Variants in PIP4K2B observed in about 807,000 individuals in gnomAD.
PIP4K2B encodes phosphatidylinositol-5-phosphate 4-kinase type 2 beta, also known as phosphatidylinositol 5-phosphate 4-kinase type-2 beta.
A neutral mutation model predicts 42.0 loss-of-function variants in PIP4K2B; 3 were observed. The observed-to-expected ratio is 0.07, with a 90% CI of 0.03 to 0.18. The LOEUF is 0.18. PIP4K2B is among the 10% of genes least tolerant of loss of function. PIP4K2B has a pLI of 1.00. For synonymous variants in PIP4K2B, 204 were observed against 210.1 expected, an observed-to-expected ratio of 0.97 and a Z score of 0.25; for missense variants, 332 against 562.3, an observed-to-expected ratio of 0.59 and a Z score of 4.14.
In PIP4K2B at chr17:38,785,540, G is replaced by A. The variant is rs553553283; in HGVS notation, c.258-1201C>T. Among the ~76,000 whole-genome samples, 152 of 152,196 alleles carry A rather than the reference G, an allele frequency of 1.0e-3. 5 individuals carry two copies. In the South Asian group the frequency reaches 0.029, roughly 29 times the overall value. On this transcript the variant is annotated intron_variant, in intron 2 of 9. Transcript: ENST00000619039. ...AAAAATACAAAAAAATTAGCCGGGC[G>A]TGGTGGTGGGTGCCTGTAATCCCAG... is the stretch of plus-strand genomic sequence containing the variant.
Position 38,769,564 on chromosome 17 carries a change from T to C in PIP4K2B, c.*127A>G. On this transcript the variant is annotated 3_prime_UTR_variant, in exon 10 of 10. Coordinates refer to ENST00000619039, the MANE Select transcript of PIP4K2B (RefSeq NM_003559.5). ...TCGGTGTCACAGGCTGCAGTCTCAT[T>C]GCTAAAGCCCTCCCAAACCCGACTC... 1 of 728,832 alleles carries C rather than the reference T, an allele frequency of 1.4e-6. No homozygotes were observed. Among genetic ancestry groups the C allele is most frequent in the Non-Finnish European group, 2.5e-6 (1 of 392,192 alleles). The allele number at this position is 728,832 out of a possible 1,614,324, so 45.1% of individuals were successfully genotyped here. A position where few individuals can be genotyped will look rare whatever the true frequency, so the allele number is the denominator to read the frequency against.
intron 2 of PIP4K2B, among the ~76,000 whole-genome samples, chr17:38,785,165 G>A: frequency 6.6e-6 from 1 of 152,130 alleles, no homozygotes; most frequent in East Asian, 1.9e-4. Context: ...CTCCCAGGAG[G>A]AAAGAGAATC....
chr17:38,783,092 G>A (rs1909799236), intron 3 of PIP4K2B, among the ~76,000 whole-genome samples: 1 of 150,660 alleles, frequency 6.6e-6, no homozygotes, highest in Non-Finnish European at 1.5e-5. Flanking sequence ...CTACTCGGGA[G>A]GCTGAGGCAG....
At position 38,799,542 on chromosome 17, in the gene PIP4K2B, C is replaced by T. The variant is rs1910850497; in HGVS notation, c.-118G>A. The T allele has an allele frequency of 7.7e-7, 1 of 1,303,674 alleles. No individual in the cohort carries two copies. The highest frequency in any genetic ancestry group is 9.8e-7 in the Non-Finnish European group (1 of 1,023,912). The allele number at this position is 1,303,674 out of a possible 1,614,324, so 80.8% of individuals were successfully genotyped here. A position where few individuals can be genotyped will look rare whatever the true frequency, so the allele number is the denominator to read the frequency against. On this transcript the variant is annotated 5_prime_UTR_variant, in exon 1 of 10. Transcript: ENST00000619039. The surrounding 1 kb of genome is among the most constrained non-coding windows in gnomAD (Gnocchi z 4.4). ...CCCCGCTCCCTCACCGCGCCATGGT[C>T]GCGCCCGTCCCGTTACCTCCCACCC...
At position 38,791,406 on chromosome 17, in the gene PIP4K2B, A is replaced by ATTTT. The variant is rs58027566; in HGVS notation, c.160-4490_160-4487dup. Reference sequence around the variant, plus strand: ...TTTCCTAATCTGGCTCAGACTGCCAATTTTTTTTTTTTTTTTTTTTTTTTT... The same window carrying ATTTT: ...TTTCCTAATCTGGCTCAGACTGCCAATTTTTTTTTTTTTTTTTTTTTTTTTTTTT... On this transcript the variant is annotated intron_variant, in intron 1 of 9. Coordinates refer to ENST00000619039, the MANE Select transcript of PIP4K2B (RefSeq NM_003559.5). Among the ~76,000 whole-genome samples the ATTTT allele has an allele frequency of 5.6e-3, 507 of 91,134 alleles. 33 individuals are homozygous for ATTTT. Among genetic ancestry groups the ATTTT allele is most frequent in the Non-Finnish European group, 7.6e-3 (381 of 49,970 alleles). The allele number at this position is 91,134 out of a possible 152,430, so 59.8% of individuals were successfully genotyped here. A position where few individuals can be genotyped will look rare whatever the true frequency, so the allele number is the denominator to read the frequency against.
Position 38,799,511 on chromosome 17 carries a change from C to T in PIP4K2B, c.-87G>A, listed in dbSNP as rs1311603716. The T allele has an allele frequency of 8.8e-6, 12 of 1,362,064 alleles. No individual in the cohort carries two copies. In the Admixed American group the frequency reaches 4.1e-4, roughly 47 times the overall value. 84.4% of individuals were successfully genotyped at this position (1,362,064 alleles called of 1,614,324 possible). Reference sequence around the variant, plus strand: ...GGCCTCAGGCCTCCCCCGGACCGATCCCCACCCCCGCTCCCTCACCGCGCC... The same window carrying T: ...GGCCTCAGGCCTCCCCCGGACCGATTCCCACCCCCGCTCCCTCACCGCGCC... On this transcript the variant is annotated 5_prime_UTR_variant, in exon 1 of 10. Coordinates refer to ENST00000619039, the MANE Select transcript of PIP4K2B (RefSeq NM_003559.5). This position sits in a 1 kb window ranked among gnomAD's most constrained non-coding sequence, Gnocchi z 4.4.
intron 1 of PIP4K2B, among the ~76,000 whole-genome samples, chr17:38,790,468 C>T (rs529431930): frequency 9.9e-5 from 15 of 152,284 alleles, no homozygotes; most frequent in African/African-American, 3.1e-4. Flanking sequence ...GGACGGATCA[C>T]GAGGTCAGAA....
rs774244954 is a variant in PIP4K2B, at chr17:38,780,587, G to A, written c.372C>T (p.Ser124=). ...DQDYQNSVTR[S]APINSDSQGR... ...CCTGGCTGTCACTGTTGATGGGGGC[G>A]CTGCGCGTCACTGAATTCTGATAAT... The change falls in exon 4 of 10, where the codon AGC becomes AGT. Residue 124 remains serine, a synonymous_variant. Transcript: ENST00000619039. The A allele has an allele frequency of 3.4e-5, 54 of 1,611,810 alleles. No individual in the cohort carries two copies. Among genetic ancestry groups the A allele is most frequent in the East Asian group, 1.8e-4 (8 of 44,794 alleles).
chr17:38,794,963 G>A (rs1342662357), intron 1 of PIP4K2B, among the ~76,000 whole-genome samples: 1 of 151,752 alleles, frequency 6.6e-6, no homozygotes, highest in Non-Finnish European at 1.5e-5. Flanking sequence ...AGCCTGGTGT[G>A]GTGGCGGGCA....
chr17:38,799,477 C>A lies in PIP4K2B; in HGVS notation c.-53G>T. On this transcript the variant is annotated 5_prime_UTR_variant, in exon 1 of 10. Transcript: ENST00000619039. This position sits in a 1 kb window ranked among gnomAD's most constrained non-coding sequence, Gnocchi z 4.4. ...AGAGGGGGGCGGCGGAGACAGCGCACAAGCCAGCGGCCTCAGGCCTCCCCC... is the reference window on the plus strand; with the variant it reads ...AGAGGGGGGCGGCGGAGACAGCGCAAAAGCCAGCGGCCTCAGGCCTCCCCC... 1 of 1,496,590 alleles carries A rather than the reference C, an allele frequency of 6.7e-7. No individual in the cohort carries two copies. Among genetic ancestry groups the A allele is most frequent in the Non-Finnish European group, 8.8e-7 (1 of 1,131,572 alleles). The allele number at this position is 1,496,590 out of a possible 1,614,324, so 92.7% of individuals were successfully genotyped here. A position where few individuals can be genotyped will look rare whatever the true frequency, so the allele number is the denominator to read the frequency against.
At position 38,799,394 on chromosome 17, in the gene PIP4K2B, CCGCCGT is replaced by C; in HGVS notation, c.25_30del (p.Thr9_Ala10del). On this transcript the variant is annotated inframe_deletion, in exon 1 of 10. Transcript: ENST00000619039. This position sits in a 1 kb window ranked among gnomAD's most constrained non-coding sequence, Gnocchi z 4.4. ...CTGGCGCTGAGCGGCGCCACCGCCA[CCGCCGT>C]GGTGCTGGTGCAGTTGGACGACATG... 6.2e-7 allele frequency: 1 copy of C among 1,605,664 alleles called. No homozygotes were observed. The highest frequency in any genetic ancestry group is 8.5e-7 in the Non-Finnish European group (1 of 1,177,902).
chr17:38,786,727 C>T (rs1910034284), intron 2 of PIP4K2B, 96 bp downstream of exon 2: 2 of 796,546 alleles, frequency 2.5e-6, no homozygotes, highest in South Asian at 1.4e-5. Context: ...CTGCCAGGTG[C>T]TGCCTTGGCT....
intron 7 of PIP4K2B, chr17:38,776,693 TA>T (rs957490936): frequency 3.0e-5 from 12 of 396,862 alleles, no homozygotes; most frequent in Admixed American, 1.0e-4. Context: ...TTACCACAAT[TA>T]AAAAAAATTT....
In PIP4K2B at chr17:38,777,742, T is replaced by G; in HGVS notation, c.752A>C (p.His251Pro). The change falls in exon 7 of 10, where the codon CAT (histidine) becomes CCT (proline). Residue 251 changes from histidine to proline, a missense_variant. Physicochemically the swap from His to Pro is moderately conservative, Grantham distance 77. Transcript: ENST00000619039. The part of the protein sequence containing the change: ...NDFLNEGQKL[H>P]VGEESKKNFL... ...GTTCTTTTTACTCTCCTCTCCCACA[T>G]GCAGCTTCTGCCCTTCATTGAGGAA... is the stretch of plus-strand genomic sequence containing the variant. The G allele has an allele frequency of 6.2e-7, 1 of 1,614,220 alleles. No individual in the cohort carries two copies. The highest frequency in any genetic ancestry group is 8.5e-7 in the Non-Finnish European group (1 of 1,180,018).
At chr17:38,772,626 G>A (rs1909109137) in intron 7 of PIP4K2B, among the ~76,000 whole-genome samples, 1 of 152,140 alleles carries the variant, frequency 6.6e-6, no homozygotes, top group South Asian at 2.1e-4. Context: ...TCTGTCACCA[G>A]GCTAGAGTGC....
intron 2 of PIP4K2B, 46 bp downstream of exon 2, chr17:38,786,777 G>GA: frequency 8.1e-7 from 1 of 1,237,170 alleles, no homozygotes; most frequent in African/African-American, 1.5e-5. Context: ...TGACTTGAGG[G>GA]AAAGGACTGC....
intron 1 of PIP4K2B, among the ~76,000 whole-genome samples, chr17:38,787,679 C>T (rs1482953780): frequency 6.6e-6 from 1 of 152,210 alleles, no homozygotes; most frequent in Non-Finnish European, 1.5e-5. Flanking sequence ...CTGCAATCTC[C>T]ACCTCCTGGC....
chr17:38,795,753 GAAA>G (rs1163279684), intron 1 of PIP4K2B, among the ~76,000 whole-genome samples: 1 of 112,038 alleles, frequency 8.9e-6, no homozygotes, highest in Admixed American at 9.2e-5. Flanking sequence ...TCTGTCTCAA[GAAA>G]AAAAAAAAAA....
intron 3 of PIP4K2B, 23 bp from the exon 4 acceptor site, chr17:38,780,627 G>A (rs1330002002): frequency 1.2e-6 from 2 of 1,600,148 alleles, no homozygotes; most frequent in South Asian, 2.2e-5. Flanking sequence ...ACAAAAGAAG[G>A]CTGGGCTTGG....
Sources: gnomAD v4.1 joint callset for allele counts (sites outside exome capture counted in the v4.1 genomes callset) on GRCh38, gnomAD v4.1.1 for gene constraint, Gnocchi (gnomAD v3.1) non-coding constraint, MANE v1.5 for transcripts, NCBI Gene and HGNC (gene_info 2026-07-23, HGNC 2026-07-21) for gene names.